The following PTDSS1 variants were observed in gnomAD, a reference collection of about 807,000 sequenced individuals.
PTDSS1 encodes PSS-1.
Under a neutral mutation model 70.5 loss-of-function variants are expected in PTDSS1, and 45 were observed. The ratio of observed to expected loss-of-function variants is 0.64; its 90% CI spans 0.50 to 0.82. The LOEUF is 0.82. Among genes scored for constraint, PTDSS1 ranks in the 40% least tolerant of loss-of-function variants. The pLI is 0.00. For missense variants in PTDSS1, 417 were observed against 586.1 expected, an observed-to-expected ratio of 0.71 and a Z score of 2.98; for synonymous variants, 188 against 203.8, an observed-to-expected ratio of 0.92 and a Z score of 0.66.
intron 6 of PTDSS1, 104 bp from the exon 7 acceptor site, chr8:96,303,936 A>G: frequency 8.0e-7 from 1 of 1,250,282 alleles, no homozygotes; most frequent in South Asian, 1.5e-5. Context: ...CTTTGTCCTG[A>G]GCATTTATTA....
chr8:96,295,955 C>T (rs982341117), intron 5 of PTDSS1, among the ~76,000 whole-genome samples: 3 of 151,900 alleles, frequency 2.0e-5, no homozygotes, highest in African/African-American at 7.3e-5. Context: ...GGCCAGAAGT[C>T]CAAGATCAAA....
chr8:96,292,574 G>C (rs1164148530), intron 4 of PTDSS1, among the ~76,000 whole-genome samples: 2 of 152,120 alleles, frequency 1.3e-5, no homozygotes, highest in African/African-American at 4.8e-5. Context: ...GAGGAGTTTA[G>C]GTGTTATTCT....
intron 1 of PTDSS1, among the ~76,000 whole-genome samples, chr8:96,270,547 T>C (rs557335603): frequency 6.0e-4 from 92 of 152,204 alleles, no homozygotes; most frequent in African/African-American, 2.1e-3. Context: ...CTAAATGAGG[T>C]GGGGACACCC....
In PTDSS1 at chr8:96,309,574, TCACCGACA is replaced by T; in HGVS notation, c.1029_1036del (p.Asp344ValfsTer32). 1 of 1,614,026 alleles carries T rather than the reference TCACCGACA, an allele frequency of 6.2e-7. No individual in the cohort carries two copies. The highest frequency in any genetic ancestry group is 1.7e-5 in the Admixed American group (1 of 60,006). On this transcript the variant is annotated frameshift_variant, in exon 9 of 13. Transcript: ENST00000517309. LOFTEE classifies it high-confidence loss of function. ...TCTTTCAGACAGTACTACGCTTACC[TCACCGACA>T]CACAGTGCAAGCGCGTAGGAACACA...
At chr8:96,312,624 C>A (rs558716776) in intron 9 of PTDSS1, among the ~76,000 whole-genome samples, 1 of 152,098 alleles carries the variant, frequency 6.6e-6, no homozygotes, top group African/African-American at 2.4e-5. Context: ...ATTGAGAACT[C>A]CCGGAACAGT....
At chr8:96,312,978 G>T (rs557339773) in intron 9 of PTDSS1, among the ~76,000 whole-genome samples, 64 of 152,276 alleles carry the variant, frequency 4.2e-4, no homozygotes, top group Middle Eastern at 3.4e-3. Context: ...ATTTTGGAAT[G>T]ATCTCAGACT....
At chr8:96,276,451 C>G (rs761466524) in intron 2 of PTDSS1, among the ~76,000 whole-genome samples, 9 of 152,134 alleles carry the variant, frequency 5.9e-5, no homozygotes, top group Admixed American at 2.6e-4. Context: ...AACTGAAGCT[C>G]GGTTTCCTTA....
At chr8:96,295,323 T>C in intron 5 of PTDSS1, 67 bp downstream of exon 5, 1 of 1,455,018 alleles carries the variant, frequency 6.9e-7, no homozygotes, top group East Asian at 2.4e-5. Context: ...TAGGAAAAAG[T>C]ATGTCAGTTA....
At chr8:96,275,050 G>A (rs1304446697) in intron 2 of PTDSS1, among the ~76,000 whole-genome samples, 1 of 152,108 alleles carries the variant, frequency 6.6e-6, no homozygotes, top group Non-Finnish European at 1.5e-5. Context: ...TGATGGTTCT[G>A]GTAGTGCACA....
At chr8:96,307,310 A>G (rs536662054) in intron 8 of PTDSS1, among the ~76,000 whole-genome samples, 3 of 152,264 alleles carry the variant, frequency 2.0e-5, no homozygotes, top group African/African-American at 7.2e-5. Context: ...CAGAAGCTGT[A>G]AGATTGTTTA....
chr8:96,274,542 A>G (rs942315513), intron 2 of PTDSS1, among the ~76,000 whole-genome samples: 2 of 152,146 alleles, frequency 1.3e-5, no homozygotes, highest in African/African-American at 4.8e-5. Flanking sequence ...CGTGACCAAC[A>G]TGGAGAAACC....
intron 4 of PTDSS1, among the ~76,000 whole-genome samples, chr8:96,289,805 T>G (rs985210867): frequency 3.9e-5 from 6 of 152,172 alleles, no homozygotes; most frequent in African/African-American, 1.4e-4. Flanking sequence ...TATCTATAAA[T>G]TTTTTAAGGG....
rs559217974 is a variant in PTDSS1 at position 96,294,759 on chromosome 8, G to A, written c.442-339G>A. On this transcript the variant is annotated intron_variant, in intron 4 of 12. Transcript: ENST00000517309. ...CAAATCTATTGGGAATCTTTTATTT[G>A]TGCTTTAGTTACTGGCTTTAATATT... Among the ~76,000 whole-genome samples the A allele has an allele frequency of 2.9e-3, 439 of 152,182 alleles. 2 individuals carry two copies. The highest frequency in any genetic ancestry group is 4.9e-3 in the Non-Finnish European group (331 of 67,998).
In PTDSS1 at chr8:96,267,872, G is replaced by T. The variant is rs571243907; in HGVS notation, c.180-5427G>T. ...GGGCTGCCATCTCTCAGACTGGAAGGCACCTCCCGCCACCTCCTGCCCACA... is the reference window on the plus strand; with the variant it reads ...GGGCTGCCATCTCTCAGACTGGAAGTCACCTCCCGCCACCTCCTGCCCACA... On this transcript the variant is annotated intron_variant, in intron 1 of 12. Coordinates refer to ENST00000517309, the MANE Select transcript of PTDSS1 (RefSeq NM_014754.3). Among the ~76,000 whole-genome samples the T allele has an allele frequency of 2.0e-5, 3 of 152,240 alleles. No individual in the cohort carries two copies. The South Asian group carries it at 6.2e-4, about 32-fold the overall frequency.
At chr8:96,312,158 G>T (rs780463152) in intron 9 of PTDSS1, among the ~76,000 whole-genome samples, 1 of 152,172 alleles carries the variant, frequency 6.6e-6, no homozygotes, top group Non-Finnish European at 1.5e-5. Flanking sequence ...TGGGAGAAAC[G>T]GCAAAGGTAA....
intron 1 of PTDSS1, among the ~76,000 whole-genome samples, chr8:96,267,540 T>C (rs770672845): frequency 2.6e-5 from 4 of 152,212 alleles, no homozygotes; most frequent in Admixed American, 1.3e-4. Context: ...TTCTCGTTTA[T>C]CTAATAAATA....
chr8:96,261,988 C>G lies in PTDSS1; in HGVS notation c.-53C>G, dbSNP rs1039946961. On this transcript the variant is annotated 5_prime_UTR_variant, in exon 1 of 13. Coordinates refer to ENST00000517309, the MANE Select transcript of PTDSS1 (RefSeq NM_014754.3). ...CTGTGGCTAGTCACCCCCGGGGTCC[C>G]GGCCTTCTCGGGCTGGGGCCGCCGC... The G allele has an allele frequency of 5.1e-5, 80 of 1,564,890 alleles. No individual in the cohort carries two copies. Among genetic ancestry groups the G allele is most frequent in the Non-Finnish European group, 6.8e-5 (78 of 1,153,378 alleles).
intron 2 of PTDSS1, among the ~76,000 whole-genome samples, chr8:96,281,600 C>T (rs2130038251): frequency 6.6e-6 from 1 of 152,266 alleles, no homozygotes; most frequent in East Asian, 1.9e-4. Context: ...TGCGCCATGC[C>T]TTTCCCCCTG....
chr8:96,269,947 G>A (rs772492378), intron 1 of PTDSS1, among the ~76,000 whole-genome samples: 43 of 152,150 alleles, frequency 2.8e-4, no homozygotes, highest in Non-Finnish European at 6.0e-4. Flanking sequence ...TCTGTGCCAG[G>A]CACTGTTTTA....
Sources: allele counts gnomAD v4.1 joint callset (sites outside exome capture counted in the v4.1 genomes callset), GRCh38; gene constraint gnomAD v4.1.1; transcripts MANE v1.5; gene names NCBI Gene and HGNC (gene_info 2026-07-23, HGNC 2026-07-21).